The following EDARADD variants were observed in gnomAD, a reference collection of about 807,000 sequenced individuals.
EDARADD encodes EDAR associated via death domain.
EDARADD carries 20 observed loss-of-function variants against 25.6 expected under a neutral mutation model. The observed-to-expected ratio is 0.78, with a 90% CI of 0.55 to 1.14. The LOEUF is 1.14. EDARADD is among the 50% of genes most tolerant of loss of function. The probability of loss-of-function intolerance (pLI) is 0.00; values close to 1 mark genes in which losing one functional copy is unlikely to be tolerated. For synonymous variants in EDARADD, 86 were observed against 94.4 expected (o/e 0.91, Z 0.52); for missense variants, 225 against 270.1 (o/e 0.83, Z 1.17).
At chr1:236,404,633 A>G (rs1667675227) in intron 1 of EDARADD, among the ~76,000 whole-genome samples, 1 of 152,204 alleles carries the variant, frequency 6.6e-6, no homozygotes, top group African/African-American at 2.4e-5. Flanking sequence ...TACAAAAAAC[A>G]GAAACAAAAT....
intron 3 of EDARADD, among the ~76,000 whole-genome samples, chr1:236,424,725 C>T (rs774376550): frequency 2.0e-5 from 3 of 152,130 alleles, no homozygotes; most frequent in Non-Finnish European, 4.4e-5. Context: ...GGAGTTTTCC[C>T]TACAACTCTG....
intron 4 of EDARADD, among the ~76,000 whole-genome samples, chr1:236,453,539 G>A (rs1043452538): frequency 1.3e-5 from 2 of 152,190 alleles, no homozygotes; most frequent in African/African-American, 4.8e-5. Flanking sequence ...GCCTCCCAAA[G>A]TGGTGGGATT....
chr1:236,393,415 A>G (rs1391773332), upstream of EDARADD, among the ~76,000 whole-genome samples: 7 of 3,714 alleles, frequency 1.9e-3, no homozygotes, highest in African/African-American at 4.4e-3. Flanking sequence ...TTTTTTTTTG[A>G]GACAGAGTCT....
intron 3 of EDARADD, among the ~76,000 whole-genome samples, chr1:236,420,507 A>C (rs1174614751): frequency 6.6e-6 from 1 of 152,214 alleles, no homozygotes; most frequent in Non-Finnish European, 1.5e-5. Context: ...TTTGGAATGG[A>C]AGTTGCTTCC....
chr1:236,437,162 C>T (rs1381693082), intron 4 of EDARADD, among the ~76,000 whole-genome samples: 2 of 152,164 alleles, frequency 1.3e-5, no homozygotes, highest in East Asian at 1.9e-4. Context: ...AAGAAAATCC[C>T]CCTCTTAGAG....
chr1:236,412,836 T>C lies in EDARADD; in HGVS notation c.121-1424T>C, dbSNP rs114427954. Reference sequence around the variant, plus strand: ...ATTCCATCTCTGGGAAAACTCAGTCTATCTGAGGAAATAGACAAGTACTGT... The same window carrying C: ...ATTCCATCTCTGGGAAAACTCAGTCCATCTGAGGAAATAGACAAGTACTGT... On this transcript the variant is annotated intron_variant, in intron 2 of 5. Transcript: ENST00000334232. 8.3e-3 allele frequency among the ~76,000 whole-genome samples: 1,269 copies of C among 152,328 alleles called. 10 individuals are homozygous for C. Among genetic ancestry groups the C allele is most frequent in the Non-Finnish European group, 0.013 (887 of 68,028 alleles).
Position 236,394,304 on chromosome 1 carries a change from T to C in EDARADD, c.-141T>C. 1 of 890,264 alleles carries C rather than the reference T, an allele frequency of 1.1e-6. No homozygotes were observed. Among genetic ancestry groups the C allele is most frequent in the Non-Finnish European group, 1.8e-6 (1 of 549,684 alleles). The allele number at this position is 890,264 out of a possible 1,614,324, so 55.1% of individuals were successfully genotyped here. A position where few individuals can be genotyped will look rare whatever the true frequency, so the allele number is the denominator to read the frequency against. ...CGAAGGCAGACCAAGAGGAAGTTTA[T>C]CCTCCCACCTACAAATTCCCCAGAG... On this transcript the variant is annotated 5_prime_UTR_variant, in exon 1 of 6. Transcript: ENST00000334232.
At chr1:236,432,610 C>G (rs1291367794) in intron 4 of EDARADD, among the ~76,000 whole-genome samples, 1 of 151,890 alleles carries the variant, frequency 6.6e-6, no homozygotes, top group Non-Finnish European at 1.5e-5. Flanking sequence ...TGCAGACCAA[C>G]TCGGTGGCTC....
At chr1:236,348,468 C>G (rs1272852481) in intron 1 of EDARADD, among the ~76,000 whole-genome samples, 1 of 152,360 alleles carries the variant, frequency 6.6e-6, no homozygotes, top group African/African-American at 2.4e-5. Context: ...CCCAGCCAGC[C>G]GTCGCCGCGC....
intron 5 of EDARADD, among the ~76,000 whole-genome samples, chr1:236,481,343 G>A (rs1002654975): frequency 1.3e-4 from 20 of 152,126 alleles, no homozygotes; most frequent in African/African-American, 4.8e-4. Flanking sequence ...TCTGTTTGCT[G>A]GAGCCCTTAT....
intron 3 of EDARADD, among the ~76,000 whole-genome samples, chr1:236,426,333 A>G (rs899044756): frequency 6.6e-6 from 1 of 152,124 alleles, no homozygotes; most frequent in African/African-American, 2.4e-5. Flanking sequence ...GATTATGGGG[A>G]TGGACAAACA....
At chr1:236,460,796 T>C (rs975046457) in intron 4 of EDARADD, among the ~76,000 whole-genome samples, 1 of 151,838 alleles carries the variant, frequency 6.6e-6, no homozygotes, top group Non-Finnish European at 1.5e-5. Context: ...TCACTGACTG[T>C]GTGACATGAG....
upstream of EDARADD, among the ~76,000 whole-genome samples, chr1:236,393,231 C>T (rs181406331): frequency 3.3e-5 from 5 of 152,208 alleles, no homozygotes; most frequent in South Asian, 4.1e-4. Context: ...CCATGATTAC[C>T]AAATGCACTA....
chr1:236,390,427 C>T (rs558592143), upstream of EDARADD, among the ~76,000 whole-genome samples: 148 of 152,096 alleles, frequency 9.7e-4, no homozygotes, highest in Non-Finnish European at 1.4e-3. Flanking sequence ...TGGTGGCGGG[C>T]GCCTGTAATC....
chr1:236,359,598 T>C (rs609495), intron 3 of EDARADD, among the ~76,000 whole-genome samples: 52,903 of 152,118 alleles, frequency 0.35, 9,501 homozygotes, highest in African/African-American at 0.44. Flanking sequence ...AAGGGACTTA[T>C]AGTTCCCAGT....
chr1:236,429,190 G>T (rs1658025297), intron 4 of EDARADD, among the ~76,000 whole-genome samples: 1 of 113,948 alleles, frequency 8.8e-6, no homozygotes, highest in Admixed American at 8.6e-5. Flanking sequence ...TGTGCAGAGG[G>T]AGAGGGAGCG....
chr1:236,355,007 C>G (rs567432263), intron 3 of EDARADD, among the ~76,000 whole-genome samples: 37 of 152,280 alleles, frequency 2.4e-4, no homozygotes, highest in African/African-American at 8.7e-4. Flanking sequence ...CTGCCCTTTC[C>G]CTCTTTGAAG....
Position 236,394,366 on chromosome 1 carries a change from C to G in EDARADD, c.-79C>G, listed in dbSNP as rs528017864. The G allele has an allele frequency of 9.3e-5, 139 of 1,491,682 alleles. No individual in the cohort carries two copies. The highest frequency in any genetic ancestry group is 1.7e-4 in the Middle Eastern group (1 of 5,760). The allele number at this position is 1,491,682 out of a possible 1,614,324, so 92.4% of individuals were successfully genotyped here. ...AGAAGGTTTGACTCTGGCCAGACAA[C>G]CAGCGAGCATCTTCTCGCAATCTGT... On this transcript the variant is annotated 5_prime_UTR_variant, in exon 1 of 6. Coordinates refer to ENST00000334232, the MANE Select transcript of EDARADD (RefSeq NM_145861.4).
chr1:236,470,677 C>T (rs1350957419), intron 5 of EDARADD, among the ~76,000 whole-genome samples: 1 of 152,186 alleles, frequency 6.6e-6, no homozygotes, highest in East Asian at 1.9e-4. Flanking sequence ...GAGATCTCGG[C>T]TCACTGCAAC....
Sources: gnomAD v4.1 joint callset for allele counts (sites outside exome capture counted in the v4.1 genomes callset) on GRCh38, gnomAD v4.1.1 for gene constraint, MANE v1.5 for transcripts, NCBI Gene and HGNC (gene_info 2026-07-23, HGNC 2026-07-21) for gene names.